The following CDH4 variants were observed in gnomAD, a reference collection of about 807,000 sequenced individuals.
The protein encoded by CDH4 is cadherin 4.
CDH4 carries 33 observed loss-of-function variants against 86.0 expected under a neutral mutation model. The observed-to-expected ratio is 0.38, with a 90% CI of 0.29 to 0.51. The LOEUF (loss-of-function observed/expected upper bound fraction) is 0.51. Ranked by LOEUF, CDH4 falls within the 20% of genes least tolerant of loss-of-function variation. The pLI, the probability that CDH4 is intolerant of heterozygous loss-of-function variation, is 0.86. For synonymous variants in CDH4, 555 were observed against 549.4 expected, an observed-to-expected ratio of 1.01 and a Z score of -0.14; for missense variants, 1,114 against 1,307.4, an observed-to-expected ratio of 0.85 and a Z score of 2.28.
intron 2 of CDH4, among the ~76,000 whole-genome samples, chr20:61,715,493 C>T (rs1478789500): frequency 6.6e-6 from 1 of 152,142 alleles, no homozygotes; most frequent in Admixed American, 6.5e-5. Context: ...CTGACTCTTA[C>T]AACAAAGCCA....
At chr20:61,309,013 A>G (rs1239283494) in intron 2 of CDH4, among the ~76,000 whole-genome samples, 1 of 152,228 alleles carries the variant, frequency 6.6e-6, no homozygotes. Flanking sequence ...AGCAGGACTG[A>G]CTGCATGTTT....
Position 61,838,413 on chromosome 20 carries a change from G to A in CDH4, c.577-6255G>A, listed in dbSNP as rs551313334. Among the ~76,000 whole-genome samples, 4 of 152,260 alleles carry A rather than the reference G, an allele frequency of 2.6e-5. No homozygotes were observed. In the East Asian group the frequency reaches 7.7e-4, roughly 29 times the overall value. On this transcript the variant is annotated intron_variant, in intron 4 of 15. Transcript: ENST00000614565. The stretch of plus-strand genomic sequence containing the variant: ...ATGTTGTTGGCAAGAAAACCAAGAA[G>A]CTCAAGCAGGAGCACTGGTTGGGGC...
chr20:61,430,098 A>G (rs1170138009), intron 2 of CDH4, among the ~76,000 whole-genome samples: 1 of 152,198 alleles, frequency 6.6e-6, no homozygotes, highest in Non-Finnish European at 1.5e-5. Context: ...CTCCCAGGGG[A>G]TGCCCCTATA....
intron 2 of CDH4, among the ~76,000 whole-genome samples, chr20:61,669,037 C>T (rs1256087232): frequency 6.6e-6 from 1 of 152,188 alleles, no homozygotes; most frequent in Non-Finnish European, 1.5e-5. Context: ...GGCAGGCCGG[C>T]GGCAGGTCAG....
chr20:61,821,617 A>G (rs1186729135), intron 4 of CDH4, among the ~76,000 whole-genome samples: 2 of 152,180 alleles, frequency 1.3e-5, no homozygotes, highest in African/African-American at 4.8e-5. Flanking sequence ...AGGAGGACGC[A>G]GTTAAGGAGA....
At chr20:61,651,693 C>T (rs1381532564) in intron 2 of CDH4, among the ~76,000 whole-genome samples, 2 of 152,222 alleles carry the variant, frequency 1.3e-5, no homozygotes, top group Admixed American at 6.5e-5. Flanking sequence ...ACCTCCTCTC[C>T]TCCAAATTTA....
intron 2 of CDH4, among the ~76,000 whole-genome samples, chr20:61,284,507 C>T (rs180696038): frequency 5.3e-5 from 8 of 152,140 alleles, no homozygotes; most frequent in Non-Finnish European, 1.2e-4. Flanking sequence ...CATCAGTCTC[C>T]GGGGCTGTTT....
At chr20:61,346,209 G>T (rs940935779) in intron 2 of CDH4, among the ~76,000 whole-genome samples, 4 of 152,178 alleles carry the variant, frequency 2.6e-5, no homozygotes, top group South Asian at 4.1e-4. Context: ...GTGTCTGGAA[G>T]AGGGAACAGC....
At chr20:61,503,636 G>A (rs2085720233) in intron 2 of CDH4, among the ~76,000 whole-genome samples, 1 of 152,164 alleles carries the variant, frequency 6.6e-6, no homozygotes, top group Non-Finnish European at 1.5e-5. Context: ...CTTTAACCTT[G>A]AATTCAGGGA....
chr20:61,427,205 G>A (rs927832417), intron 2 of CDH4, among the ~76,000 whole-genome samples: 14 of 152,180 alleles, frequency 9.2e-5, no homozygotes, highest in African/African-American at 3.4e-4. Context: ...CATTCCCAGC[G>A]TTGCAGAGAG....
chr20:61,256,700 C>T (rs1023781666), intron 2 of CDH4, among the ~76,000 whole-genome samples: 4 of 152,164 alleles, frequency 2.6e-5, no homozygotes, highest in Non-Finnish European at 5.9e-5. Flanking sequence ...CGTTGACTTA[C>T]GTGTGCAGCC....
intron 2 of CDH4, chr20:61,599,728 C>T: frequency 1.1e-6 from 1 of 907,656 alleles, no homozygotes; most frequent in Non-Finnish European, 1.3e-6. Context: ...CGAGGCCCCG[C>T]TCCTCCTCCT....
At position 61,439,243 on chromosome 20, in the gene CDH4, G is replaced by GTGCTGCGGTGTGCGTTTTGGTTT. The variant is rs1390460069; in HGVS notation, c.169+184312_169+184313insGGTGTGCGTTTTGGTTTTGCTGC. Among the ~76,000 whole-genome samples the GTGCTGCGGTGTGCGTTTTGGTTT allele has an allele frequency of 3.9e-4, 59 of 152,288 alleles. No homozygotes were observed. In the South Asian group the frequency reaches 0.011, roughly 27 times the overall value. ...GGGTGTTGCGGTGTGCGTTTTGGTT[G>GTGCTGCGGTGTGCGTTTTGGTTT]TGCTGCAGTGTGCGTTTCGGTTGTA... is the stretch of plus-strand genomic sequence containing the variant. On this transcript the variant is annotated intron_variant, in intron 2 of 15. Coordinates refer to ENST00000614565, the MANE Select transcript of CDH4 (RefSeq NM_001794.5).
chr20:61,374,863 C>T lies in CDH4; in HGVS notation c.169+119926C>T, dbSNP rs181698529. On this transcript the variant is annotated intron_variant, in intron 2 of 15. Coordinates refer to ENST00000614565, the MANE Select transcript of CDH4 (RefSeq NM_001794.5). Reference sequence around the variant, plus strand: ...GCGACCTATTTCTTGGGAAGCGTGCCGCCTGGAGGCTGCATCTGCATTATA... The same window carrying T: ...GCGACCTATTTCTTGGGAAGCGTGCTGCCTGGAGGCTGCATCTGCATTATA... Among the ~76,000 whole-genome samples the T allele has an allele frequency of 4.6e-3, 702 of 152,312 alleles. 1 individual carries two copies. Among genetic ancestry groups the T allele is most frequent in the Admixed American group, 8.8e-3 (134 of 15,306 alleles).
At chr20:61,765,228 G>C (rs992977042) in intron 3 of CDH4, among the ~76,000 whole-genome samples, 42 of 151,870 alleles carry the variant, frequency 2.8e-4, no homozygotes, top group African/African-American at 1.0e-3. Context: ...GGCTCGGAGG[G>C]GTCCCGAGGA....
chr20:61,634,081 C>G (rs1030141849), intron 2 of CDH4, among the ~76,000 whole-genome samples: 1 of 152,164 alleles, frequency 6.6e-6, no homozygotes, highest in African/African-American at 2.4e-5. Context: ...CCATCTCTAA[C>G]AGGGAGGTGC....
At chr20:61,437,336 C>T (rs1386909296) in intron 2 of CDH4, 2 of 152,206 alleles carry the variant, frequency 1.3e-5, no homozygotes, top group African/African-American at 4.8e-5. Context: ...TGGCAAGATC[C>T]CTGTTTTCTT....
intron 2 of CDH4, among the ~76,000 whole-genome samples, chr20:61,455,783 CTG>C (rs1282927606): frequency 6.6e-6 from 1 of 152,192 alleles, no homozygotes; most frequent in Non-Finnish European, 1.5e-5. Flanking sequence ...GTGCTTGACT[CTG>C]AGATCCTCGA....
chr20:61,839,922 G>T (rs2146094665), intron 4 of CDH4, among the ~76,000 whole-genome samples: 1 of 151,194 alleles, frequency 6.6e-6, no homozygotes, highest in South Asian at 2.1e-4. Flanking sequence ...TGTGTGTCAT[G>T]TGTACATGTC....
Sources: allele counts gnomAD v4.1 joint callset (sites outside exome capture counted in the v4.1 genomes callset), GRCh38; gene constraint gnomAD v4.1.1; transcripts MANE v1.5; gene names NCBI Gene and HGNC (gene_info 2026-07-23, HGNC 2026-07-21).